Variants in RBM4B observed in about 807,000 individuals in gnomAD.
RBM4B encodes RNA-binding protein 4B.
Under a neutral mutation model 28.5 loss-of-function variants are expected in RBM4B, and 13 were observed. The observed-to-expected ratio is 0.46, with a 90% CI of 0.30 to 0.72. The LOEUF (loss-of-function observed/expected upper bound fraction) is 0.72, where lower values mean the gene tolerates loss of function less well. RBM4B is among the 30% of genes least tolerant of loss of function. The pLI, the probability that RBM4B is intolerant of heterozygous loss-of-function variation, is 0.09. For synonymous variants in RBM4B, 167 were observed against 179.1 expected, an observed-to-expected ratio of 0.93 and a Z score of 0.54; for missense variants, 387 against 477.6, an observed-to-expected ratio of 0.81 and a Z score of 1.77.
At chr11:66,666,081 C>T in intron 3 of RBM4B, 1 of 960,700 alleles carries the variant, frequency 1.0e-6, no homozygotes, top group Non-Finnish European at 1.5e-6. Flanking sequence ...AGCAGCCAGT[C>T]ATTCACCCAA....
At chr11:66,670,865 C>A in intron 2 of RBM4B, 1 of 699,970 alleles carries the variant, frequency 1.4e-6, no homozygotes, top group South Asian at 1.5e-5. Flanking sequence ...CAGGGCTTCT[C>A]ATTACTCTTA....
At chr11:66,668,381 CTG>C (rs1466479497) in intron 3 of RBM4B, 1 of 472,062 alleles carries the variant, frequency 2.1e-6, no homozygotes, top group Non-Finnish European at 3.8e-6. Context: ...CACTAACAAA[CTG>C]AATTTGTTGT....
At chr11:66,673,061 T>A (rs538391533) in intron 2 of RBM4B, among the ~76,000 whole-genome samples, 11 of 152,262 alleles carry the variant, frequency 7.2e-5, no homozygotes, top group Admixed American at 6.5e-4. Flanking sequence ...ATTAAAATGC[T>A]GAGAAGTGGG....
chr11:66,677,345 T>C (rs1317671682), intron 1 of RBM4B: 1 of 539,644 alleles, frequency 1.9e-6, no homozygotes, highest in Non-Finnish European at 3.3e-6. Context: ...CGCAATGAAA[T>C]ACCAGAATTA....
chr11:66,672,372 T>A (rs1420465357), intron 2 of RBM4B, among the ~76,000 whole-genome samples: 25 of 120,592 alleles, frequency 2.1e-4, no homozygotes, highest in African/African-American at 7.9e-4. Flanking sequence ...ATTGTGCCAC[T>A]GCACTACAGC....
rs1308658932 is a variant in RBM4B, at chr11:66,677,885, T to A, written c.-134A>T. On this transcript the variant is annotated 5_prime_UTR_variant, in exon 1 of 4. Coordinates refer to ENST00000310046, the MANE Select transcript of RBM4B (RefSeq NM_031492.4). ...GCGCGCCAGCTCACGCACGCGCGAG[T>A]GCGCGCTGCTTCCCTCCCCTTCCCC... The A allele has an allele frequency of 2.0e-5, 3 of 152,544 alleles. No homozygotes were observed. Among genetic ancestry groups the A allele is most frequent in the Non-Finnish European group, 4.4e-5 (3 of 68,086 alleles). 9.4% of individuals were successfully genotyped at this position (152,544 alleles called of 1,614,324 possible).
chr11:66,667,435 A>C (rs1024414331), intron 3 of RBM4B: 1 of 152,166 alleles, frequency 6.6e-6, no homozygotes, highest in Non-Finnish European at 1.5e-5. Flanking sequence ...CAAAAAACAC[A>C]AACAAAAATT....
intron 2 of RBM4B, chr11:66,671,119 A>C (rs1398216717): frequency 1.5e-6 from 1 of 665,376 alleles, no homozygotes; most frequent in African/African-American, 1.8e-5. Context: ...CTATCACTCC[A>C]GTTTCTAGCA....
At chr11:66,670,445 C>T (rs1412604270) in intron 2 of RBM4B, among the ~76,000 whole-genome samples, 2 of 152,048 alleles carry the variant, frequency 1.3e-5, no homozygotes, top group African/African-American at 2.4e-5. Context: ...CCTCTAGGAA[C>T]CCACACAAAT....
In RBM4B at chr11:66,676,828, G is replaced by A; in HGVS notation, c.252C>T (p.Asn84=). Residue 84 remains asparagine, a synonymous_variant, in exon 2 of 4, where the codon AAC becomes AAT. Transcript: ENST00000310046. ...CTTGGTTGGTACAAGTGGGGCTGAT[G>A]TTACCCACGTGTAACTTGGTTGAAG... ...SKASTKLHVG[N]ISPTCTNQEL... The A allele has an allele frequency of 1.2e-6, 2 of 1,614,186 alleles. No individual in the cohort carries two copies. The highest frequency in any genetic ancestry group is 1.7e-6 in the Non-Finnish European group (2 of 1,180,034).
At chr11:66,666,350 C>T (rs1479742519) in intron 3 of RBM4B, 22 of 1,011,354 alleles carry the variant, frequency 2.2e-5, no homozygotes, top group South Asian at 4.0e-5. Context: ...AAAGTTGTGA[C>T]GTTCTTGGAT....
intron 3 of RBM4B, chr11:66,666,227 G>A: frequency 2.2e-6 from 2 of 896,672 alleles, no homozygotes; most frequent in Non-Finnish European, 2.9e-6. Flanking sequence ...TTGATGATGG[G>A]AACTCCAGAC....
At chr11:66,672,567 C>T (rs2135244790) in intron 2 of RBM4B, among the ~76,000 whole-genome samples, 1 of 151,080 alleles carries the variant, frequency 6.6e-6, no homozygotes, top group Admixed American at 6.6e-5. Flanking sequence ...GCAGTCTCGG[C>T]TCACTGCAAC....
At chr11:66,669,787 T>C (rs1004459386) in intron 2 of RBM4B, among the ~76,000 whole-genome samples, 1 of 152,216 alleles carries the variant, frequency 6.6e-6, no homozygotes, top group Non-Finnish European at 1.5e-5. Context: ...GAAAATTTGA[T>C]TCCTCAGAGA....
At chr11:66,668,355 G>T (rs1939323347) in intron 3 of RBM4B, 1 of 426,360 alleles carries the variant, frequency 2.3e-6, no homozygotes, top group Non-Finnish European at 4.2e-6. Context: ...GCTTACAACT[G>T]ATTAAAGAAT....
chr11:66,665,812 A>G, intron 3 of RBM4B: 1 of 1,473,736 alleles, frequency 6.8e-7, no homozygotes, highest in Non-Finnish European at 9.1e-7. Context: ...ATCTAGCTGA[A>G]GAATGTGTTG....
chr11:66,668,185 T>C (rs1939317394), intron 3 of RBM4B: 1 of 165,542 alleles, frequency 6.0e-6, no homozygotes, highest in African/African-American at 2.4e-5. Context: ...GTTCTACCTT[T>C]CATTTATCAA....
At position 66,665,897 on chromosome 11, in the gene RBM4B, A is replaced by C. The variant is rs143939117; in HGVS notation, c.*10-319T>G. On this transcript the variant is annotated intron_variant, in intron 3 of 3. Coordinates refer to ENST00000310046, the MANE Select transcript of RBM4B (RefSeq NM_031492.4). ...GACAGAAGGCTACTGTTGCTGTAAC[A>C]AAGGGCATACATACATTTTCAAGAA... 1.6e-3 allele frequency: 2,448 copies of C among 1,535,362 alleles called. 5 individuals are homozygous for C. The highest frequency in any genetic ancestry group is 2.0e-3 in the Admixed American group (103 of 50,914).
chr11:66,666,257 A>G lies in RBM4B; in HGVS notation c.*10-679T>C, dbSNP rs948672509. On this transcript the variant is annotated intron_variant, in intron 3 of 3. Transcript: ENST00000310046. ...CCAGACACCAATGGCTGGGGGAAAA[A>G]AAAAGTTAACTCACACCAAGTTCCT... is the stretch of plus-strand genomic sequence containing the variant. 50 of 1,114,386 alleles carry G rather than the reference A, an allele frequency of 4.5e-5. 1 individual carries two copies. In the African/African-American group the frequency reaches 7.2e-4, roughly 16 times the overall value. The allele number at this position is 1,114,386 out of a possible 1,614,324, so 69.0% of individuals were successfully genotyped here. A position where few individuals can be genotyped will look rare whatever the true frequency, so the allele number is the denominator to read the frequency against.
Sources: gnomAD v4.1 joint callset for allele counts (sites outside exome capture counted in the v4.1 genomes callset) on GRCh38, gnomAD v4.1.1 for gene constraint, MANE v1.5 for transcripts, NCBI Gene and HGNC (gene_info 2026-07-23, HGNC 2026-07-21) for gene names.